Variants in PRKG1 observed in about 807,000 individuals in gnomAD.
PRKG1 encodes the protein protein kinase cGMP-dependent 1, also known as cGMP-dependent protein kinase 1.
Under a neutral mutation model 88.1 loss-of-function variants are expected in PRKG1, and 35 were observed. That is an observed-to-expected ratio of 0.40 (90% confidence interval 0.30 to 0.53). The LOEUF (loss-of-function observed/expected upper bound fraction) is 0.53. Ranked by LOEUF, PRKG1 falls within the 20% of genes least tolerant of loss-of-function variation. The pLI is 0.59. For missense variants in PRKG1, 540 were observed against 839.8 expected, an observed-to-expected ratio of 0.64 and a Z score of 4.41; for synonymous variants, 303 against 292.5, an observed-to-expected ratio of 1.04 and a Z score of -0.37.
intron 2 of PRKG1, among the ~76,000 whole-genome samples, chr10:51,222,493 T>C (rs1044249928): frequency 6.6e-6 from 1 of 152,212 alleles, no homozygotes; most frequent in African/African-American, 2.4e-5. Context: ...TCTGTTCTGA[T>C]CTTTTCATAG....
intron 3 of PRKG1, among the ~76,000 whole-genome samples, chr10:51,686,438 C>A (rs975872954): frequency 6.6e-6 from 1 of 152,136 alleles, no homozygotes; most frequent in Non-Finnish European, 1.5e-5. Flanking sequence ...GATAATGGAG[C>A]TTTGGCCATT....
intron 5 of PRKG1, among the ~76,000 whole-genome samples, chr10:52,009,518 C>T (rs1276400313): frequency 6.6e-6 from 1 of 151,868 alleles, no homozygotes; most frequent in African/African-American, 2.4e-5. Context: ...TCAAACAAAT[C>T]AGAAATGGCA....
At chr10:51,807,962 T>C (rs889672403) in intron 4 of PRKG1, among the ~76,000 whole-genome samples, 5 of 152,148 alleles carry the variant, frequency 3.3e-5, no homozygotes, top group Non-Finnish European at 7.3e-5. Context: ...GGTGTGTTTT[T>C]CTGAGCTCCG....
rs190824649 is a variant in PRKG1 at position 51,990,435 on chromosome 10, A to C, written c.763-64049A>C. ...TAGCTTTGAGGAGTATGCACATTTT[A>C]GTAATATCAGTTCTTCCAATCCATG... On this transcript the variant is annotated intron_variant, in intron 5 of 17. Coordinates refer to ENST00000373980, the MANE Select transcript of PRKG1 (RefSeq NM_006258.4). 6.6e-5 allele frequency among the ~76,000 whole-genome samples: 10 copies of C among 152,280 alleles called. No homozygotes were observed. The East Asian group carries it at 1.9e-3, about 29-fold the overall frequency.
At chr10:51,507,916 A>C (rs1015305612) in intron 3 of PRKG1, among the ~76,000 whole-genome samples, 1 of 152,178 alleles carries the variant, frequency 6.6e-6, no homozygotes, top group African/African-American at 2.4e-5. Context: ...GGAAATACAA[A>C]GGTAAACAGT....
intron 3 of PRKG1, among the ~76,000 whole-genome samples, chr10:51,595,489 A>C (rs1172154277): frequency 6.6e-6 from 1 of 151,932 alleles, no homozygotes; most frequent in African/African-American, 2.4e-5. Flanking sequence ...AATTAGTTGA[A>C]CATGTTGGTG....
intron 2 of PRKG1, among the ~76,000 whole-genome samples, chr10:51,462,073 TAGA>T (rs1172491481): frequency 6.6e-6 from 1 of 152,172 alleles, no homozygotes. Context: ...CTAGCAACTG[TAGA>T]AGCCATTATG....
chr10:51,171,278 G>C (rs1206454769), intron 2 of PRKG1, among the ~76,000 whole-genome samples: 1 of 152,106 alleles, frequency 6.6e-6, no homozygotes, highest in Non-Finnish European at 1.5e-5. Flanking sequence ...TAATAATCGT[G>C]TGCTTATTTA....
intron 2 of PRKG1, among the ~76,000 whole-genome samples, chr10:51,322,300 C>T (rs1164161482): frequency 2.0e-5 from 3 of 152,224 alleles, no homozygotes; most frequent in African/African-American, 7.2e-5. Flanking sequence ...TGAGAGTCAA[C>T]TTGAGCAAAT....
intron 5 of PRKG1, among the ~76,000 whole-genome samples, chr10:52,052,170 T>G (rs748771826): frequency 1.3e-5 from 2 of 152,172 alleles, no homozygotes; most frequent in South Asian, 4.1e-4. Flanking sequence ...GCTACCATAT[T>G]AGACAATACA....
chr10:51,531,637 CTTTT>C (rs34091409), intron 3 of PRKG1, among the ~76,000 whole-genome samples: 332 of 67,810 alleles, frequency 4.9e-3, no homozygotes, highest in African/African-American at 0.018. Flanking sequence ...AAAAAGAATT[CTTTT>C]TTTTTTTTTT....
chr10:51,266,194 G>A (rs1468504348), intron 2 of PRKG1, among the ~76,000 whole-genome samples: 1 of 152,184 alleles, frequency 6.6e-6, no homozygotes, highest in Non-Finnish European at 1.5e-5. Context: ...GGCCTTGTCT[G>A]TCTTGCTCAG....
At chr10:52,244,365 A>G (rs1267520665) in intron 9 of PRKG1, among the ~76,000 whole-genome samples, 1 of 152,024 alleles carries the variant, frequency 6.6e-6, no homozygotes, top group Non-Finnish European at 1.5e-5. Flanking sequence ...TTAGTTATCA[A>G]TAAGACTCTT....
At chr10:51,479,931 G>A (rs1840307389) in intron 3 of PRKG1, among the ~76,000 whole-genome samples, 1 of 151,830 alleles carries the variant, frequency 6.6e-6, no homozygotes, top group African/African-American at 2.4e-5. Context: ...GTTTCATTCA[G>A]TTGAATCACC....
intron 2 of PRKG1, among the ~76,000 whole-genome samples, chr10:51,378,614 A>G (rs905372971): frequency 8.5e-5 from 13 of 152,212 alleles, no homozygotes; most frequent in Non-Finnish European, 1.6e-4. Flanking sequence ...AAAACATTAT[A>G]TATTGTTCTT....
At chr10:51,902,346 C>T (rs2132935512) in intron 4 of PRKG1, among the ~76,000 whole-genome samples, 1 of 152,118 alleles carries the variant, frequency 6.6e-6, no homozygotes, top group Admixed American at 6.5e-5. Flanking sequence ...GAACTCCCGA[C>T]CTCAGGTGAT....
chr10:51,662,470 C>G (rs183275079), intron 3 of PRKG1, among the ~76,000 whole-genome samples: 1 of 152,038 alleles, frequency 6.6e-6, no homozygotes, highest in African/African-American at 2.4e-5. Flanking sequence ...GCTATGTAGT[C>G]TGACAAAACA....
intron 3 of PRKG1, among the ~76,000 whole-genome samples, chr10:51,627,892 TCCC>T (rs1839380208): frequency 7.4e-6 from 1 of 134,882 alleles, no homozygotes; most frequent in African/African-American, 2.7e-5. Context: ...TTCCCTTCCT[TCCC>T]TTCCTTCCCT....
chr10:51,546,643 C>T (rs756845380), intron 3 of PRKG1, among the ~76,000 whole-genome samples: 16 of 152,150 alleles, frequency 1.1e-4, no homozygotes, highest in Middle Eastern at 3.4e-3. Flanking sequence ...TGGTTTTCTA[C>T]GTACTTCCTT....
Sources: allele counts gnomAD v4.1 joint callset (sites outside exome capture counted in the v4.1 genomes callset), GRCh38; gene constraint gnomAD v4.1.1; transcripts MANE v1.5; gene names NCBI Gene and HGNC (gene_info 2026-07-23, HGNC 2026-07-21).